The following CCBE1 variants were observed in gnomAD, a reference collection of about 807,000 sequenced individuals.
CCBE1 encodes the protein collagen and calcium binding EGF domains 1.
In CCBE1, 37 loss-of-function variants were observed where a neutral mutation model predicts 50.0. The ratio of observed to expected loss-of-function variants is 0.74; its 90% CI spans 0.57 to 0.97. CCBE1 has a LOEUF of 0.97. Ranked by LOEUF, CCBE1 falls within the 50% of genes least tolerant of loss-of-function variation. The pLI is 0.00. For synonymous variants in CCBE1, 234 were observed against 203.7 expected (o/e 1.15, Z -1.27); for missense variants, 538 against 523.8 (o/e 1.03, Z -0.26).
At chr18:59,490,968 T>C (rs17780305) in intron 2 of CCBE1, among the ~76,000 whole-genome samples, 11,463 of 152,244 alleles carry the variant, frequency 0.075, 899 homozygotes, top group East Asian at 0.33. Context: ...CTGGAGGTCA[T>C]TGTCCGGAGA....
intron 6 of CCBE1, among the ~76,000 whole-genome samples, chr18:59,452,370 A>T (rs554025056): frequency 6.6e-6 from 1 of 152,298 alleles, no homozygotes; most frequent in South Asian, 2.1e-4. Context: ...AGGCGGGTGG[A>T]TGATGAGGTC....
chr18:59,452,573 A>G (rs959887520), intron 6 of CCBE1, among the ~76,000 whole-genome samples: 2 of 152,216 alleles, frequency 1.3e-5, no homozygotes, highest in African/African-American at 4.8e-5. Context: ...AGCCTGGGCG[A>G]CAGAGCGAGA....
intron 2 of CCBE1, among the ~76,000 whole-genome samples, chr18:59,689,202 T>G (rs990648620): frequency 1.3e-5 from 2 of 152,180 alleles, no homozygotes; most frequent in African/African-American, 4.8e-5. Flanking sequence ...CAGTTCTGTT[T>G]ACATAGCCTC....
chr18:59,648,194 A>C (rs1180910094), intron 2 of CCBE1, among the ~76,000 whole-genome samples: 17 of 152,260 alleles, frequency 1.1e-4, no homozygotes, highest in African/African-American at 4.1e-4. Flanking sequence ...CCTACTCAGT[A>C]AGTGTGAGGC....
chr18:59,562,384 A>C (rs970021237), intron 2 of CCBE1, among the ~76,000 whole-genome samples: 6 of 152,176 alleles, frequency 3.9e-5, no homozygotes, highest in African/African-American at 1.4e-4. Flanking sequence ...CTCTCCCACC[A>C]CAGACAAACT....
intron 2 of CCBE1, among the ~76,000 whole-genome samples, chr18:59,610,294 T>C (rs2053551336): frequency 6.6e-6 from 1 of 152,236 alleles, no homozygotes; most frequent in Non-Finnish European, 1.5e-5. Flanking sequence ...AAGTCATTTA[T>C]GTGTCCTTAT....
intron 2 of CCBE1, among the ~76,000 whole-genome samples, chr18:59,520,189 GT>G (rs1177551982): frequency 6.6e-6 from 1 of 152,066 alleles, no homozygotes; most frequent in African/African-American, 2.4e-5. Flanking sequence ...ATTTAAAGTA[GT>G]TTTTTTCTAA....
chr18:59,651,913 A>G (rs1261365386), intron 2 of CCBE1, among the ~76,000 whole-genome samples: 2 of 152,210 alleles, frequency 1.3e-5, no homozygotes, highest in Admixed American at 6.5e-5. Flanking sequence ...TTATCAAGAT[A>G]CAATACATCT....
intron 3 of CCBE1, among the ~76,000 whole-genome samples, chr18:59,479,527 T>C (rs773664433): frequency 2.0e-4 from 30 of 152,252 alleles, no homozygotes; most frequent in East Asian, 1.9e-4. Context: ...GTGCTTGACA[T>C]GTGGCAAAAT....
At chr18:59,492,632 C>T (rs1913166018) in intron 2 of CCBE1, among the ~76,000 whole-genome samples, 1 of 152,182 alleles carries the variant, frequency 6.6e-6, no homozygotes, top group Non-Finnish European at 1.5e-5. Flanking sequence ...TAGATCAATA[C>T]ACAAGAAACC....
intron 2 of CCBE1, among the ~76,000 whole-genome samples, chr18:59,480,599 AAG>A (rs112809917): frequency 1.1e-4 from 17 of 152,290 alleles, no homozygotes; most frequent in African/African-American, 4.1e-4. Context: ...CCACAGGCCA[AAG>A]AGATACAACT....
At chr18:59,670,373 TAA>T (rs2054415568) in intron 2 of CCBE1, among the ~76,000 whole-genome samples, 1 of 152,094 alleles carries the variant, frequency 6.6e-6, no homozygotes, top group Admixed American at 6.5e-5. Context: ...GGAGAAGGAA[TAA>T]GAAAGTGGGA....
intron 4 of CCBE1, 110 bp from the exon 5 acceptor site, chr18:59,467,001 C>A: frequency 5.1e-6 from 5 of 971,862 alleles, no homozygotes; most frequent in South Asian, 1.3e-5. Flanking sequence ...GACACTTGGG[C>A]CGACCTTGAT....
chr18:59,440,011 T>C (rs576461307), intron 7 of CCBE1, among the ~76,000 whole-genome samples, 195 bp from the exon 8 acceptor site: 5 of 152,352 alleles, frequency 3.3e-5, no homozygotes, highest in African/African-American at 1.2e-4. Flanking sequence ...TCTTCCTCTC[T>C]TTTCGCGGAC....
At chr18:59,505,808 T>G (rs1913845062) in intron 2 of CCBE1, among the ~76,000 whole-genome samples, 1 of 152,204 alleles carries the variant, frequency 6.6e-6, no homozygotes, top group African/African-American at 2.4e-5. Context: ...TTACACAGGT[T>G]TGTATAGGGG....
chr18:59,444,911 G>T (rs1003352560), intron 7 of CCBE1, among the ~76,000 whole-genome samples: 1 of 151,680 alleles, frequency 6.6e-6, no homozygotes, highest in African/African-American at 2.4e-5. Flanking sequence ...CTTTTTTGTT[G>T]AATATTGAAG....
chr18:59,690,870 C>T (rs1055300540), intron 2 of CCBE1, among the ~76,000 whole-genome samples: 10 of 152,334 alleles, frequency 6.6e-5, no homozygotes, highest in East Asian at 1.9e-4. Flanking sequence ...ATTAAACACA[C>T]AGGCAGGAAC....
At chr18:59,584,242 T>A (rs573476191) in intron 2 of CCBE1, among the ~76,000 whole-genome samples, 2 of 150,444 alleles carry the variant, frequency 1.3e-5, no homozygotes, top group South Asian at 4.2e-4. Flanking sequence ...CAGTAAACTA[T>A]CGCAAGGACA....
Position 59,596,007 on chromosome 18 carries a change from T to C in CCBE1, c.212+100622A>G, listed in dbSNP as rs565105852. On this transcript the variant is annotated intron_variant, in intron 2 of 10. Coordinates refer to ENST00000439986, the MANE Select transcript of CCBE1 (RefSeq NM_133459.4). ...TTAAACTAAAAACATATCTACAAGG[T>C]GCTCCACATGGTAGTGCCTATTGTC... 3.3e-5 allele frequency among the ~76,000 whole-genome samples: 5 copies of C among 152,356 alleles called. No individual in the cohort carries two copies. In the South Asian group the frequency reaches 8.3e-4, roughly 25 times the overall value.
Sources: gnomAD v4.1 joint callset for allele counts (sites outside exome capture counted in the v4.1 genomes callset) on GRCh38, gnomAD v4.1.1 for gene constraint, MANE v1.5 for transcripts, NCBI Gene and HGNC (gene_info 2026-07-23, HGNC 2026-07-21) for gene names.